The following MYT1L variants were observed in gnomAD, a reference collection of about 807,000 sequenced individuals.
MYT1L encodes the protein myelin transcription factor 1-like protein.
Under a neutral mutation model 126.7 loss-of-function variants are expected in MYT1L, and 12 were observed. The ratio of observed to expected loss-of-function variants is 0.09; its 90% confidence interval spans 0.06 to 0.15. The LOEUF is 0.15. Ranked by LOEUF, MYT1L falls within the 10% of genes least tolerant of loss-of-function variation. The pLI, the probability that MYT1L is intolerant of heterozygous loss-of-function variation, is 1.00. For synonymous variants in MYT1L, 541 were observed against 604.2 expected (o/e 0.90, Z 1.53); for missense variants, 979 against 1,585.2 (o/e 0.62, Z 6.49).
chr2:2,312,521 G>C (rs945358462), intron 1 of MYT1L, among the ~76,000 whole-genome samples: 1 of 152,130 alleles, frequency 6.6e-6, no homozygotes, highest in Admixed American at 6.6e-5. Flanking sequence ...GCTGAGGTGG[G>C]AGGATTACTT....
At chr2:2,305,225 T>C (rs143935801) in intron 1 of MYT1L, among the ~76,000 whole-genome samples, 1 of 152,308 alleles carries the variant, frequency 6.6e-6, no homozygotes, top group African/African-American at 2.4e-5. Context: ...AGGCATTTAA[T>C]GTAAAGGATA....
chr2:1,840,362 A>G (rs571664180), intron 20 of MYT1L, among the ~76,000 whole-genome samples: 216 of 152,144 alleles, frequency 1.4e-3, no homozygotes, highest in African/African-American at 5.0e-3. Context: ...GGGTATAACT[A>G]AACTATTTTT....
intron 9 of MYT1L, 85 bp from the exon 10 acceptor site, chr2:1,923,348 G>A: frequency 8.9e-7 from 1 of 1,117,596 alleles, no homozygotes; most frequent in Middle Eastern, 2.8e-4. Context: ...AGCATGGATA[G>A]CACGTTAACT....
intron 21 of MYT1L, among the ~76,000 whole-genome samples, chr2:1,832,466 C>G (rs948787002): frequency 6.6e-6 from 1 of 152,222 alleles, no homozygotes; most frequent in African/African-American, 2.4e-5. Context: ...CATTGCCACC[C>G]GTGCAGCTGC....
intron 4 of MYT1L, among the ~76,000 whole-genome samples, chr2:2,005,912 C>T (rs1233476395): frequency 6.9e-6 from 1 of 144,122 alleles, no homozygotes; most frequent in Non-Finnish European, 1.5e-5. Context: ...TCCTGCGTGC[C>T]TTCTTTCCTG....
At chr2:2,180,527 C>A (rs1412204946) in intron 2 of MYT1L, among the ~76,000 whole-genome samples, 1 of 151,942 alleles carries the variant, frequency 6.6e-6, no homozygotes, top group African/African-American at 2.4e-5. Flanking sequence ...TGTGTGTGTA[C>A]CTGTGTGTGC....
chr2:2,212,356 A>C (rs1165293064), intron 2 of MYT1L, among the ~76,000 whole-genome samples: 2 of 152,210 alleles, frequency 1.3e-5, no homozygotes. Context: ...AGGCTCAGAC[A>C]TAATTTGTAA....
intron 8 of MYT1L, among the ~76,000 whole-genome samples, chr2:1,974,157 G>A (rs2060006268): frequency 6.6e-6 from 1 of 152,208 alleles, no homozygotes; most frequent in South Asian, 2.1e-4. Context: ...TGATATTGGG[G>A]ACCGAAACTA....
chr2:2,165,369 C>T (rs1259181316), intron 3 of MYT1L, among the ~76,000 whole-genome samples: 1 of 152,082 alleles, frequency 6.6e-6, no homozygotes, highest in Non-Finnish European at 1.5e-5. Flanking sequence ...CACAGGTGAC[C>T]ACAGACATCC....
intron 2 of MYT1L, among the ~76,000 whole-genome samples, chr2:2,196,051 G>A (rs1255955577): frequency 6.6e-6 from 1 of 151,982 alleles, no homozygotes; most frequent in Non-Finnish European, 1.5e-5. Flanking sequence ...ACAAGCAATA[G>A]AAATTTCAAG....
chr2:2,122,022 G>A (rs577179993), intron 3 of MYT1L, among the ~76,000 whole-genome samples: 133 of 152,298 alleles, frequency 8.7e-4, no homozygotes, highest in Admixed American at 1.6e-3. Context: ...GTCTTCCTAC[G>A]CTCTTGTTAA....
intron 21 of MYT1L, among the ~76,000 whole-genome samples, chr2:1,822,061 G>C (rs2038617416): frequency 6.6e-6 from 1 of 152,126 alleles, no homozygotes. Context: ...TGGAGGTTCT[G>C]CATGCTCTTC....
intron 2 of MYT1L, among the ~76,000 whole-genome samples, chr2:2,280,355 G>A (rs952356986): frequency 1.3e-5 from 2 of 152,134 alleles, no homozygotes; most frequent in Non-Finnish European, 2.9e-5. Context: ...GCATATCAAA[G>A]TTGCCTTGGT....
chr2:1,900,952 G>A (rs544254368), intron 14 of MYT1L, among the ~76,000 whole-genome samples: 6 of 152,188 alleles, frequency 3.9e-5, no homozygotes, highest in Non-Finnish European at 7.3e-5. Flanking sequence ...GCGCCACAGA[G>A]TGCGTCCTCA....
At chr2:2,184,470 A>G (rs1381394306) in intron 2 of MYT1L, among the ~76,000 whole-genome samples, 1 of 152,200 alleles carries the variant, frequency 6.6e-6, no homozygotes, top group Non-Finnish European at 1.5e-5. Context: ...AATACTTTCT[A>G]TCAATGTTAA....
chr2:2,220,291 TG>T (rs1183422459), intron 2 of MYT1L, among the ~76,000 whole-genome samples: 4 of 152,126 alleles, frequency 2.6e-5, no homozygotes, highest in Admixed American at 6.5e-5. Context: ...AACATTGATA[TG>T]GTTCAGAAAG....
intron 2 of MYT1L, among the ~76,000 whole-genome samples, chr2:2,219,123 TAGA>T (rs2093778149): frequency 6.6e-6 from 1 of 152,044 alleles, no homozygotes; most frequent in Non-Finnish European, 1.5e-5. Flanking sequence ...GAGTGGCTGG[TAGA>T]AGGAGAGTTT....
At chr2:2,285,007 C>A (rs545545931) in intron 1 of MYT1L, among the ~76,000 whole-genome samples, 2 of 152,162 alleles carry the variant, frequency 1.3e-5, no homozygotes, top group East Asian at 1.9e-4. Context: ...TGAGCCACTG[C>A]GCCTGGCCAA....
At chr2:1,837,535 A>T (rs2041072830) in intron 21 of MYT1L, among the ~76,000 whole-genome samples, 1 of 152,186 alleles carries the variant, frequency 6.6e-6, no homozygotes, top group Admixed American at 6.5e-5. Context: ...GAGCCTGAAG[A>T]TCTGCTTGCA....
Sources: allele counts gnomAD v4.1 joint callset (sites outside exome capture counted in the v4.1 genomes callset), GRCh38; gene constraint gnomAD v4.1.1; transcripts MANE v1.5; gene names NCBI Gene and HGNC (gene_info 2026-07-23, HGNC 2026-07-21).